DCAF6: variants seen among roughly 807,000 people sequenced by gnomAD.
DCAF6 encodes DDB1 and CUL4 associated factor 6.
A neutral mutation model predicts 125.1 loss-of-function variants in DCAF6; 54 were observed. That is an observed-to-expected ratio of 0.43 (90% confidence interval 0.35 to 0.54). DCAF6 has a LOEUF of 0.54. Among genes scored for constraint, DCAF6 ranks in the 20% least tolerant of loss-of-function variants. The pLI, the probability that DCAF6 is intolerant of heterozygous loss-of-function variation, is 0.01. For missense variants in DCAF6, 934 were observed against 1,161.7 expected (o/e 0.80, Z 2.85); for synonymous variants, 371 against 390.4 (o/e 0.95, Z 0.58).
chr1:167,968,810 G>A (rs572069818), intron 3 of DCAF6, among the ~76,000 whole-genome samples: 1 of 152,326 alleles, frequency 6.6e-6, no homozygotes, highest in African/African-American at 2.4e-5. Context: ...ACTGGCAAAG[G>A]AAAAATATTT....
In DCAF6 at chr1:168,044,627, A is replaced by G. The variant is rs201913080; in HGVS notation, c.1886A>G (p.Glu629Gly). 308 of 1,613,262 alleles carry G rather than the reference A, an allele frequency of 1.9e-4. 1 individual carries two copies. Among genetic ancestry groups the G allele is most frequent in the Non-Finnish European group, 7.1e-5 (84 of 1,179,448 alleles). ...ESSEDVTKYQ[E>G]GVSAENPVEN... is the part of the protein sequence containing the mutation. ...TCAGAGGATGTGACAAAATATCAGGAAGGAGTATCTGCAGAAAACCCAGTT... is the reference window on the plus strand; with the variant it reads ...TCAGAGGATGTGACAAAATATCAGGGAGGAGTATCTGCAGAAAACCCAGTT... Residue 629 changes from glutamate (E) to glycine (G), a missense_variant, in exon 15 of 22, where the codon GAA (glutamate) becomes GGA (glycine). Coordinates refer to ENST00000367840, the MANE Select transcript of DCAF6 (RefSeq NM_001198956.2).
chr1:168,060,175 A>T (rs10918817), intron 17 of DCAF6, among the ~76,000 whole-genome samples: 8,941 of 151,958 alleles, frequency 0.059, 831 homozygotes, highest in African/African-American at 0.2. Context: ...GCCCGTAGAT[A>T]TTTTGAGTTT....
chr1:167,874,406 TAC>T, the DCAF6 span, among the ~76,000 whole-genome samples: 1 of 151,976 alleles, frequency 6.6e-6, no homozygotes, highest in African/African-American at 2.4e-5. Context: ...ATCAGGGAAA[TAC>T]AAATGGAAAC....
At chr1:168,056,321 C>T (rs1354403987) in intron 17 of DCAF6, 4 of 1,603,578 alleles carry the variant, frequency 2.5e-6, no homozygotes, top group Non-Finnish European at 3.4e-6. Flanking sequence ...CGGCGCCCAC[C>T]CCCAGCTGCC....
intron 4 of DCAF6, among the ~76,000 whole-genome samples, chr1:167,986,240 G>C (rs974194065): frequency 6.6e-6 from 1 of 152,164 alleles, no homozygotes; most frequent in African/African-American, 2.4e-5. Context: ...CTGGGTTATA[G>C]GAGAAGCATA....
At chr1:167,905,659 T>C in the DCAF6 span, among the ~76,000 whole-genome samples, 2 of 151,064 alleles carry the variant, frequency 1.3e-5, no homozygotes, top group Non-Finnish European at 2.9e-5. Flanking sequence ...TGTAAGTGAG[T>C]ATTAGAGTTT....
At chr1:167,954,094 C>A (rs1381953774) in intron 2 of DCAF6, among the ~76,000 whole-genome samples, 2 of 152,104 alleles carry the variant, frequency 1.3e-5, no homozygotes, top group Non-Finnish European at 2.9e-5. Context: ...GCAACCTCCA[C>A]CTCCTGGGTT....
the DCAF6 span, chr1:167,880,357 G>T: frequency 2.4e-5 from 23 of 956,672 alleles, no homozygotes; most frequent in East Asian, 4.8e-4. Flanking sequence ...GAGATGCGAA[G>T]GAGGAACAAC....
At chr1:167,907,848 A>C in the DCAF6 span, among the ~76,000 whole-genome samples, 1 of 152,256 alleles carries the variant, frequency 6.6e-6, no homozygotes, top group African/African-American at 2.4e-5. Context: ...ACAAAATTAT[A>C]GGAATAAAGA....
the DCAF6 span, chr1:167,904,854 G>T: frequency 1.8e-6 from 2 of 1,112,282 alleles, no homozygotes; most frequent in Non-Finnish European, 2.7e-6. Flanking sequence ...TCCCTCTTGT[G>T]TTCTCAGTGG....
intron 18 of DCAF6, 141 bp from the exon 19 acceptor site, chr1:168,065,449 C>A: frequency 2.8e-6 from 2 of 724,544 alleles, no homozygotes; most frequent in East Asian, 2.8e-5. Context: ...CGCCCAGCAT[C>A]AATTTTTAAT....
chr1:167,951,876 A>G lies in DCAF6; in HGVS notation c.159+15A>G. On this transcript the variant is annotated intron_variant, in intron 2 of 21. Coordinates refer to ENST00000367840, the MANE Select transcript of DCAF6 (RefSeq NM_001198956.2). ...ATGATGGTTGTGTAAGTAATAGTTAATTCTCAACTCTGAAGGGATTTGATA... is the reference window on the plus strand; with the variant it reads ...ATGATGGTTGTGTAAGTAATAGTTAGTTCTCAACTCTGAAGGGATTTGATA... 1 of 1,577,672 alleles carries G rather than the reference A, an allele frequency of 6.3e-7. No homozygotes were observed. Among genetic ancestry groups the G allele is most frequent in the Non-Finnish European group, 8.7e-7 (1 of 1,148,618 alleles).
chr1:167,973,769 A>G (rs572640573), intron 3 of DCAF6, among the ~76,000 whole-genome samples: 4 of 151,992 alleles, frequency 2.6e-5, no homozygotes, highest in Non-Finnish European at 4.4e-5. Context: ...TCTCTATTGT[A>G]TATCTGTTAT....
intron 10 of DCAF6, among the ~76,000 whole-genome samples, chr1:168,009,688 TC>T (rs1378322345): frequency 1.3e-5 from 2 of 152,084 alleles, no homozygotes; most frequent in Non-Finnish European, 2.9e-5. Flanking sequence ...TTGGCCAACT[TC>T]CTTTTCCTTG....
intron 17 of DCAF6, among the ~76,000 whole-genome samples, chr1:168,058,865 C>T (rs551681949): frequency 2.6e-5 from 4 of 152,206 alleles, no homozygotes; most frequent in East Asian, 1.9e-4. Context: ...CCACTGCACC[C>T]GGTCCTGATC....
chr1:167,925,190 T>C, the DCAF6 span, among the ~76,000 whole-genome samples: 1 of 152,000 alleles, frequency 6.6e-6, no homozygotes, highest in East Asian at 1.9e-4. Flanking sequence ...TCAATGTCAT[T>C]TTAAAATCTA....
At chr1:167,883,566 CACAAACACAA>C in the DCAF6 span, 1 of 1,614,232 alleles carries the variant, frequency 6.2e-7, no homozygotes, top group Non-Finnish European at 8.5e-7. Flanking sequence ...ACATCAGGTT[CACAAACACAA>C]TCGTCACTGG....
At chr1:167,890,584 C>G in the DCAF6 span, among the ~76,000 whole-genome samples, 1 of 127,554 alleles carries the variant, frequency 7.8e-6, no homozygotes, top group Admixed American at 8.7e-5. Context: ...TTGTTCAAGG[C>G]TCTAGCACTC....
chr1:168,005,713 A>T (rs930993152), intron 10 of DCAF6, among the ~76,000 whole-genome samples: 3 of 152,156 alleles, frequency 2.0e-5, no homozygotes, highest in African/African-American at 7.2e-5. Context: ...CTGGAAACTG[A>T]TGCCAGATTA....
Sources: allele counts gnomAD v4.1 joint callset (sites outside exome capture counted in the v4.1 genomes callset), GRCh38; gene constraint gnomAD v4.1.1; transcripts MANE v1.5; gene names NCBI Gene and HGNC (gene_info 2026-07-23, HGNC 2026-07-21).